The following FANCC variants were observed in gnomAD, a reference collection of about 807,000 sequenced individuals.
FANCC encodes Fanconi anemia group C protein.
Under a neutral mutation model 71.3 loss-of-function variants are expected in FANCC, and 55 were observed. The ratio of observed to expected loss-of-function variants is 0.77; its 90% confidence interval spans 0.62 to 0.97. The LOEUF is 0.97. FANCC is among the 50% of genes least tolerant of loss of function. The pLI, the probability that FANCC is intolerant of heterozygous loss-of-function variation, is 0.00. For missense variants in FANCC, 678 were observed against 670.9 expected, an observed-to-expected ratio of 1.01 and a Z score of -0.12; for synonymous variants, 275 against 244.9, an observed-to-expected ratio of 1.12 and a Z score of -1.15.
chr9:95,300,084 T>C lies in FANCC; in HGVS notation c.-79+17442A>G, dbSNP rs184851697. On this transcript the variant is annotated intron_variant, in intron 1 of 14. Transcript: ENST00000289081. ...TGATATTAGCGGCCAGCCAATTCTA[T>C]GGTCTCCCAAATATAGGGAATAAAA... is the stretch of plus-strand genomic sequence containing the variant. 1.4e-3 allele frequency among the ~76,000 whole-genome samples: 220 copies of C among 152,344 alleles called. 1 individual carries two copies. The highest frequency in any genetic ancestry group is 1.6e-3 in the Non-Finnish European group (108 of 68,022).
At chr9:95,124,967 T>C (rs1825749594) in intron 10 of FANCC, 119 bp downstream of exon 10, 1 of 874,046 alleles carries the variant, frequency 1.1e-6, no homozygotes, top group Non-Finnish European at 1.9e-6. Context: ...ATTAGGAACC[T>C]TTCTTTGTGA....
intron 7 of FANCC, among the ~76,000 whole-genome samples, chr9:95,137,309 G>A (rs1240349623): frequency 6.6e-6 from 1 of 152,130 alleles, no homozygotes; most frequent in Non-Finnish European, 1.5e-5. Flanking sequence ...TGACCGTGGG[G>A]CAAGAGCAGC....
chr9:95,217,559 T>A (rs1383630293), intron 4 of FANCC, among the ~76,000 whole-genome samples: 1 of 151,020 alleles, frequency 6.6e-6, no homozygotes, highest in Non-Finnish European at 1.5e-5. Context: ...ATTAGTAAAT[T>A]TTTTTTAACT....
chr9:95,126,434 G>T, intron 9 of FANCC, 95 bp downstream of exon 9: 1 of 1,212,252 alleles, frequency 8.2e-7, no homozygotes, highest in Non-Finnish European at 1.2e-6. Context: ...ATTTCCCCAT[G>T]ATACAGCCAG....
intron 7 of FANCC, among the ~76,000 whole-genome samples, chr9:95,146,503 A>AAAT (rs1003881729): frequency 1.3e-5 from 2 of 151,364 alleles, no homozygotes; most frequent in African/African-American, 2.4e-5. Flanking sequence ...AAAAAAAAAA[A>AAAT]AAAAAAAAAT....
intron 1 of FANCC, among the ~76,000 whole-genome samples, chr9:95,267,637 T>C (rs1020882116): frequency 7.9e-5 from 12 of 152,128 alleles, no homozygotes; most frequent in Admixed American, 3.3e-4. Context: ...GTCCAACAAA[T>C]AGGTATATTT....
intron 1 of FANCC, among the ~76,000 whole-genome samples, chr9:95,306,797 C>A (rs147385590): frequency 6.6e-6 from 1 of 152,126 alleles, no homozygotes; most frequent in African/African-American, 2.4e-5. Flanking sequence ...TGGGCAATCT[C>A]TTGGGAATTC....
At chr9:95,167,592 AACCC>A (rs1328257598) in intron 6 of FANCC, among the ~76,000 whole-genome samples, 1 of 152,172 alleles carries the variant, frequency 6.6e-6, no homozygotes, top group Non-Finnish European at 1.5e-5. Context: ...TCTACTGCTG[AACCC>A]CTCTAGTAAG....
chr9:95,191,569 C>T (rs1309800551), intron 4 of FANCC, among the ~76,000 whole-genome samples: 1 of 152,036 alleles, frequency 6.6e-6, no homozygotes. Flanking sequence ...TGCTCCAGAT[C>T]ATATATGCAA....
chr9:95,134,598 G>A (rs1827381342), intron 8 of FANCC, among the ~76,000 whole-genome samples: 1 of 152,232 alleles, frequency 6.6e-6, no homozygotes, highest in Non-Finnish European at 1.5e-5. Flanking sequence ...GAGGCTGCGG[G>A]ACCATGGCAC....
chr9:95,280,023 T>C lies in FANCC; in HGVS notation c.-78-30654A>G, dbSNP rs556529668. On this transcript the variant is annotated intron_variant, in intron 1 of 14. Coordinates refer to ENST00000289081, the MANE Select transcript of FANCC (RefSeq NM_000136.3). ...AGACTTTAAGAAAACATGATCTAAC[T>C]ATATGCTGTCTATAGAAGACACACT... 2.0e-5 allele frequency among the ~76,000 whole-genome samples: 3 copies of C among 148,046 alleles called. No individual in the cohort carries two copies. In the East Asian group the frequency reaches 5.9e-4, roughly 29 times the overall value.
chr9:95,307,840 T>C (rs1835154313), intron 1 of FANCC, among the ~76,000 whole-genome samples: 1 of 152,220 alleles, frequency 6.6e-6, no homozygotes, highest in Admixed American at 6.5e-5. Flanking sequence ...TTAGTCTGTT[T>C]TGTGCTGCTA....
At chr9:95,203,068 G>A (rs185876955) in intron 4 of FANCC, among the ~76,000 whole-genome samples, 1 of 152,280 alleles carries the variant, frequency 6.6e-6, no homozygotes, top group African/African-American at 2.4e-5. Context: ...CAAGAGGACA[G>A]TGGCAGCTTT....
At chr9:95,290,706 CAG>C (rs1833948210) in intron 1 of FANCC, among the ~76,000 whole-genome samples, 2 of 152,084 alleles carry the variant, frequency 1.3e-5, no homozygotes, top group African/African-American at 4.8e-5. Flanking sequence ...TAAAAGCAGA[CAG>C]AGATTATAAA....
chr9:95,195,192 G>A (rs1307774288), intron 4 of FANCC, among the ~76,000 whole-genome samples: 3 of 78,590 alleles, frequency 3.8e-5, no homozygotes, highest in African/African-American at 6.3e-5. Flanking sequence ...GTGAGACTCC[G>A]TCTCAAAAAA....
intron 3 of FANCC, among the ~76,000 whole-genome samples, chr9:95,240,990 G>A (rs560026111): frequency 2.0e-4 from 31 of 152,128 alleles, no homozygotes; most frequent in Non-Finnish European, 3.8e-4. Context: ...AACTTTGTGG[G>A]GTTTTGTCCT....
intron 6 of FANCC, among the ~76,000 whole-genome samples, chr9:95,161,685 A>T (rs944526037): frequency 6.6e-6 from 1 of 152,210 alleles, no homozygotes; most frequent in Non-Finnish European, 1.5e-5. Context: ...ACTATACAGT[A>T]CAGTAGTGTT....
intron 1 of FANCC, among the ~76,000 whole-genome samples, chr9:95,307,111 A>C (rs185373629): frequency 6.6e-6 from 1 of 152,202 alleles, no homozygotes; most frequent in Admixed American, 6.5e-5. Context: ...TCCTGAACTT[A>C]CGGGCTCAAG....
chr9:95,150,124 G>C, intron 6 of FANCC, 37 bp from the exon 7 acceptor site: 1 of 1,610,766 alleles, frequency 6.2e-7, no homozygotes, highest in Non-Finnish European at 8.5e-7. Flanking sequence ...TCAAATCTAA[G>C]AGCCATGCAT....
Sources: allele counts gnomAD v4.1 joint callset (sites outside exome capture counted in the v4.1 genomes callset), GRCh38; gene constraint gnomAD v4.1.1; transcripts MANE v1.5; gene names NCBI Gene and HGNC (gene_info 2026-07-23, HGNC 2026-07-21).